The following RPS6KC1 variants were observed in gnomAD, a reference collection of about 807,000 sequenced individuals.
The protein encoded by RPS6KC1 is inactive ribosomal protein S6 kinase delta-1.
RPS6KC1 carries 54 observed loss-of-function variants against 103.8 expected under a neutral mutation model. The ratio of observed to expected loss-of-function variants is 0.52; its 90% CI spans 0.42 to 0.65. The LOEUF (loss-of-function observed/expected upper bound fraction) is 0.65. Among genes scored for constraint, RPS6KC1 ranks in the 30% least tolerant of loss-of-function variants. The pLI, the probability that RPS6KC1 is intolerant of heterozygous loss-of-function variation, is 0.00. For missense variants in RPS6KC1, 1,151 were observed against 1,253.8 expected (o/e 0.92, Z 1.24); for synonymous variants, 439 against 438.7 (o/e 1.00, Z -0.01).
chr1:213,320,119 T>C, the RPS6KC1 span, among the ~76,000 whole-genome samples: 5 of 152,172 alleles, frequency 3.3e-5, no homozygotes. Context: ...CACTGTATTT[T>C]TAAGAACACT....
At chr1:213,272,437 A>T in intron 14 of RPS6KC1, 87 bp from the exon 15 acceptor site, 3 of 1,021,398 alleles carry the variant, frequency 2.9e-6, no homozygotes, top group Non-Finnish European at 4.6e-6. Flanking sequence ...CCAGGGTTGA[A>T]TTTAGAAGTT....
chr1:213,785,269 G>A, the RPS6KC1 span, among the ~76,000 whole-genome samples: 3 of 152,082 alleles, frequency 2.0e-5, no homozygotes, highest in African/African-American at 7.2e-5. Flanking sequence ...TGAACCCTAA[G>A]TGGTCTACTT....
the RPS6KC1 span, among the ~76,000 whole-genome samples, chr1:213,472,665 G>A: frequency 6.6e-6 from 1 of 152,190 alleles, no homozygotes; most frequent in South Asian, 2.1e-4. Flanking sequence ...TTTCCTTGGA[G>A]CACCCATGTA....
intron 1 of RPS6KC1, among the ~76,000 whole-genome samples, chr1:213,061,039 C>T (rs2148350446): frequency 6.6e-6 from 1 of 151,916 alleles, no homozygotes; most frequent in African/African-American, 2.4e-5. Flanking sequence ...ATACAGCTGC[C>T]TTCTTGCTGT....
the RPS6KC1 span, among the ~76,000 whole-genome samples, chr1:213,398,222 T>A: frequency 6.6e-6 from 1 of 150,558 alleles, no homozygotes; most frequent in Admixed American, 6.6e-5. Flanking sequence ...TTTTTTGTAT[T>A]TTTAGTAGAG....
At chr1:213,435,684 T>C in the RPS6KC1 span, among the ~76,000 whole-genome samples, 1 of 152,254 alleles carries the variant, frequency 6.6e-6, no homozygotes, top group Non-Finnish European at 1.5e-5. Flanking sequence ...TATTTCCAGC[T>C]TTGTGTCAAT....
chr1:213,580,565 G>A, the RPS6KC1 span, among the ~76,000 whole-genome samples: 21,345 of 151,814 alleles, frequency 0.14, 1,748 homozygotes, highest in Non-Finnish European at 0.17. Flanking sequence ...ATAACACCTC[G>A]TACCACAGAG....
chr1:213,177,842 A>G (rs1558482714), intron 8 of RPS6KC1, among the ~76,000 whole-genome samples: 2 of 152,016 alleles, frequency 1.3e-5, no homozygotes, highest in African/African-American at 4.8e-5. Flanking sequence ...TTTCATTGCT[A>G]TGCTATAAGT....
chr1:213,591,272 T>C, the RPS6KC1 span, among the ~76,000 whole-genome samples: 1 of 152,206 alleles, frequency 6.6e-6, no homozygotes, highest in Non-Finnish European at 1.5e-5. Flanking sequence ...AAGGCCAGGG[T>C]CAATTCCCCA....
chr1:213,222,263 A>G (rs1325289226), intron 8 of RPS6KC1, among the ~76,000 whole-genome samples: 1 of 152,218 alleles, frequency 6.6e-6, no homozygotes, highest in African/African-American at 2.4e-5. Context: ...TTTCTTTGTT[A>G]CCCATAAATC....
intron 5 of RPS6KC1, among the ~76,000 whole-genome samples, chr1:213,125,128 A>C: frequency 6.6e-6 from 1 of 152,112 alleles, no homozygotes; most frequent in Admixed American, 6.6e-5. Context: ...ACCATACACA[A>C]AGTATATTAT....
At chr1:213,551,122 C>T in the RPS6KC1 span, among the ~76,000 whole-genome samples, 1 of 152,174 alleles carries the variant, frequency 6.6e-6, no homozygotes, top group Non-Finnish European at 1.5e-5. Flanking sequence ...ATAGGTGCTG[C>T]TGAATAGCCA....
At chr1:213,529,105 G>T in the RPS6KC1 span, among the ~76,000 whole-genome samples, 1 of 152,040 alleles carries the variant, frequency 6.6e-6, no homozygotes, top group African/African-American at 2.4e-5. Flanking sequence ...CACTGGAAGA[G>T]ACCGACATGA....
At chr1:213,691,670 G>T in the RPS6KC1 span, among the ~76,000 whole-genome samples, 1 of 152,140 alleles carries the variant, frequency 6.6e-6, no homozygotes, top group African/African-American at 2.4e-5. Context: ...TGATTGAAAA[G>T]ATCTAGGGAA....
At chr1:213,065,923 GT>G (rs1444035464) in intron 1 of RPS6KC1, among the ~76,000 whole-genome samples, 12 of 152,220 alleles carry the variant, frequency 7.9e-5, no homozygotes. Context: ...GAGTCAGACA[GT>G]CGAGGATCTC....
At chr1:213,696,768 C>A in the RPS6KC1 span, among the ~76,000 whole-genome samples, 2 of 152,148 alleles carry the variant, frequency 1.3e-5, no homozygotes, top group Admixed American at 1.3e-4. Context: ...TCTCTCTCAC[C>A]TCTCAATGCA....
chr1:213,227,394 G>GTTTTCTGTTGCTGACATAACAAA (rs2093986475), intron 8 of RPS6KC1, among the ~76,000 whole-genome samples: 1 of 152,176 alleles, frequency 6.6e-6, no homozygotes, highest in Non-Finnish European at 1.5e-5. Flanking sequence ...TATGCTGTTG[G>GTTTTCTGTTGCTGACATAACAAA]TTTTCTGTTG....
the RPS6KC1 span, among the ~76,000 whole-genome samples, chr1:213,559,642 T>C: frequency 2.0e-5 from 3 of 152,198 alleles, no homozygotes. Flanking sequence ...ACAAAGCTTT[T>C]GTGCTGCAAC....
intron 8 of RPS6KC1, among the ~76,000 whole-genome samples, chr1:213,209,154 G>A (rs896164558): frequency 6.6e-6 from 1 of 152,004 alleles, no homozygotes; most frequent in African/African-American, 2.4e-5. Flanking sequence ...TACCTGGAGT[G>A]CCTTCTTTTC....
Sources: gnomAD v4.1 joint callset for allele counts (sites outside exome capture counted in the v4.1 genomes callset) on GRCh38, gnomAD v4.1.1 for gene constraint, MANE v1.5 for transcripts, NCBI Gene and HGNC (gene_info 2026-07-23, HGNC 2026-07-21) for gene names.